The following DLG2 variants were observed in gnomAD, a reference collection of about 807,000 sequenced individuals.
The protein encoded by DLG2 is disks large homolog 2.
Under a neutral mutation model 132.5 loss-of-function variants are expected in DLG2, and 45 were observed. The observed-to-expected ratio is 0.34, with a 90% CI of 0.27 to 0.44. DLG2 has a LOEUF of 0.44. Ranked by LOEUF, DLG2 falls within the 20% of genes least tolerant of loss-of-function variation. The pLI, the probability that DLG2 is intolerant of heterozygous loss-of-function variation, is 1.00. For missense variants in DLG2, 1,045 were observed against 1,196.9 expected, an observed-to-expected ratio of 0.87 and a Z score of 1.87; for synonymous variants, 424 against 419.6, an observed-to-expected ratio of 1.01 and a Z score of -0.13.
intron 9 of DLG2, among the ~76,000 whole-genome samples, chr11:84,129,956 A>G (rs1212945423): frequency 6.6e-6 from 1 of 152,092 alleles, no homozygotes; most frequent in African/African-American, 2.4e-5. Flanking sequence ...CCTATATTAA[A>G]TAGTTAATAT....
In DLG2 at chr11:85,567,313, C is replaced by G. The variant is rs369636327; in HGVS notation, c.40+31344G>C. Among the ~76,000 whole-genome samples the G allele has an allele frequency of 3.3e-5, 5 of 152,226 alleles. No homozygotes were observed. In the East Asian group the frequency reaches 9.7e-4, roughly 29 times the overall value. ...CTTCCAACCCATGAACATAAAATGT[C>G]TGTTTATTTAGGTCTTTTTCATTTA... On this transcript the variant is annotated intron_variant, in intron 3 of 27. Coordinates refer to ENST00000376104, the MANE Select transcript of DLG2 (RefSeq NM_001142699.3).
At chr11:83,906,079 CTCTATATA>C (rs1377533196) in intron 15 of DLG2, among the ~76,000 whole-genome samples, 13 of 94,224 alleles carry the variant, frequency 1.4e-4, no homozygotes, top group South Asian at 3.8e-4. Context: ...CTCTCTCTCT[CTCTATATA>C]TATATATATA....
intron 6 of DLG2, among the ~76,000 whole-genome samples, chr11:84,721,824 A>T (rs1298063595): frequency 2.0e-5 from 3 of 152,200 alleles, no homozygotes; most frequent in African/African-American, 7.2e-5. Context: ...ACCTGTAACT[A>T]GATGGTATTA....
At chr11:85,129,479 A>G (rs2075476685) in intron 5 of DLG2, among the ~76,000 whole-genome samples, 1 of 152,198 alleles carries the variant, frequency 6.6e-6, no homozygotes, top group African/African-American at 2.4e-5. Context: ...ATGATTCTCC[A>G]TCACCATTCT....
intron 6 of DLG2, among the ~76,000 whole-genome samples, chr11:84,581,557 T>G (rs2099516316): frequency 6.6e-6 from 1 of 152,192 alleles, no homozygotes; most frequent in African/African-American, 2.4e-5. Context: ...TAGACATTAC[T>G]ATTCCAACTT....
intron 6 of DLG2, among the ~76,000 whole-genome samples, chr11:84,995,271 A>G (rs584245): frequency 1 from 151,958 of 152,306 alleles, 75,808 homozygotes; most frequent in African/African-American, 1. Context: ...TATTTTTATT[A>G]GTATTAGGGA....
chr11:85,521,130 G>A (rs1178350679), intron 3 of DLG2, among the ~76,000 whole-genome samples: 1 of 152,216 alleles, frequency 6.6e-6, no homozygotes, highest in East Asian at 1.9e-4. Flanking sequence ...GTCTGGCTCT[G>A]TGTCTCAAAT....
At chr11:83,499,895 ATAT>A (rs2094378240) in intron 21 of DLG2, among the ~76,000 whole-genome samples, 22 of 114,516 alleles carry the variant, frequency 1.9e-4, no homozygotes, top group Non-Finnish European at 3.4e-4. Flanking sequence ...ATATATATAT[ATAT>A]CAGTTCTGTC....
intron 18 of DLG2, among the ~76,000 whole-genome samples, chr11:83,742,352 T>C (rs147069673): frequency 1.2e-3 from 179 of 152,192 alleles, no homozygotes; most frequent in African/African-American, 3.8e-3. Flanking sequence ...TAAATATATA[T>C]AGTTTTTTTA....
At chr11:84,701,031 A>T (rs1231517618) in intron 6 of DLG2, among the ~76,000 whole-genome samples, 1 of 151,506 alleles carries the variant, frequency 6.6e-6, no homozygotes, top group African/African-American at 2.4e-5. Context: ...CATAGACAAG[A>T]CCAGTCACAC....
chr11:85,205,048 T>C (rs1014314218), intron 4 of DLG2, among the ~76,000 whole-genome samples: 108 of 151,728 alleles, frequency 7.1e-4, no homozygotes, highest in African/African-American at 2.4e-3. Flanking sequence ...TGGAGTAAAG[T>C]CTTAAATGTA....
At chr11:83,900,587 C>T (rs774158700) in intron 15 of DLG2, among the ~76,000 whole-genome samples, 32 of 152,180 alleles carry the variant, frequency 2.1e-4, no homozygotes, top group Non-Finnish European at 4.4e-5. Flanking sequence ...GCCTTGGCAG[C>T]TTCCATGTTG....
At chr11:84,216,509 T>A (rs1018246407) in intron 8 of DLG2, among the ~76,000 whole-genome samples, 7 of 152,202 alleles carry the variant, frequency 4.6e-5, no homozygotes, top group African/African-American at 1.7e-4. Context: ...AACAGGATAT[T>A]GTAAAATGGA....
intron 6 of DLG2, among the ~76,000 whole-genome samples, chr11:84,647,874 G>T (rs1470233243): frequency 6.6e-6 from 1 of 152,170 alleles, no homozygotes; most frequent in East Asian, 1.9e-4. Context: ...CTCTTTAGTT[G>T]TATGAGTATT....
chr11:84,180,716 T>C (rs952899179), intron 8 of DLG2, among the ~76,000 whole-genome samples: 2 of 151,844 alleles, frequency 1.3e-5, no homozygotes, highest in African/African-American at 2.4e-5. Flanking sequence ...GGAGCAAAGA[T>C]AAAAATTATA....
At chr11:85,123,747 T>C (rs886142029) in intron 5 of DLG2, among the ~76,000 whole-genome samples, 4 of 152,210 alleles carry the variant, frequency 2.6e-5, no homozygotes, top group Admixed American at 2.0e-4. Flanking sequence ...AAAGGTTAGC[T>C]CGAGAACTGA....
chr11:85,108,286 T>C (rs1350478461), intron 6 of DLG2, among the ~76,000 whole-genome samples: 1 of 151,994 alleles, frequency 6.6e-6, no homozygotes, highest in Non-Finnish European at 1.5e-5. Context: ...GAAAGGAATG[T>C]AGGAGAGAAT....
rs866855532 is a variant in DLG2 at position 85,079,363 on chromosome 11, G to A, written c.357+32298C>T. ...GGTGCCTGAATTCCAAGAGGAGGAG[G>A]ATATAATGGGGCATGTGGACAACCC... On this transcript the variant is annotated intron_variant, in intron 6 of 27. Coordinates refer to ENST00000376104, the MANE Select transcript of DLG2 (RefSeq NM_001142699.3). Among the ~76,000 whole-genome samples the A allele has an allele frequency of 2.6e-4, 39 of 152,110 alleles. 1 individual carries two copies. The highest frequency in any genetic ancestry group is 3.4e-3 in the Middle Eastern group (1 of 294).
chr11:84,553,458 T>C (rs1215336261), intron 6 of DLG2, among the ~76,000 whole-genome samples: 6 of 152,194 alleles, frequency 3.9e-5, no homozygotes, highest in African/African-American at 1.4e-4. Context: ...TTAGAATCAA[T>C]ACAATATCAA....
Sources: allele counts gnomAD v4.1 joint callset (sites outside exome capture counted in the v4.1 genomes callset), GRCh38; gene constraint gnomAD v4.1.1; transcripts MANE v1.5; gene names NCBI Gene and HGNC (gene_info 2026-07-23, HGNC 2026-07-21).